The following SLC26A7 variants were observed in gnomAD, a reference collection of about 807,000 sequenced individuals.
SLC26A7 encodes anion exchange transporter.
SLC26A7 carries 59 observed loss-of-function variants against 82.5 expected under a neutral mutation model. The ratio of observed to expected loss-of-function variants is 0.72; its 90% confidence interval spans 0.58 to 0.89. The LOEUF (loss-of-function observed/expected upper bound fraction) is 0.89. SLC26A7 is among the 40% of genes least tolerant of loss of function. The pLI, the probability that SLC26A7 is intolerant of heterozygous loss-of-function variation, is 0.00. For synonymous variants in SLC26A7, 271 were observed against 274.3 expected, an observed-to-expected ratio of 0.99 and a Z score of 0.12; for missense variants, 820 against 793.0, an observed-to-expected ratio of 1.03 and a Z score of -0.41.
chr8:91,225,643 GTTTTTTTTTTTTTT>G (rs55732709), intron 2 of SLC26A7, among the ~76,000 whole-genome samples: 8 of 36,120 alleles, frequency 2.2e-4, no homozygotes, highest in Non-Finnish European at 2.7e-4. Context: ...CTAGAAAAGT[GTTTTTTTTTTTTTT>G]TTTTTTTTTT....
In SLC26A7 at chr8:91,289,283, G is replaced by A. The variant is rs567505582; in HGVS notation, c.304+37G>A. The A allele has an allele frequency of 2.4e-5, 36 of 1,480,428 alleles. No individual in the cohort carries two copies. In the East Asian group the frequency reaches 3.4e-4, roughly 14 times the overall value. The allele number at this position is 1,480,428 out of a possible 1,614,324, so 91.7% of individuals were successfully genotyped here. ...TATGTTTATGCTTCTAATGTTACTCGCAAAAAAGACTTAGTGATTATTACT... is the reference window on the plus strand; with the variant it reads ...TATGTTTATGCTTCTAATGTTACTCACAAAAAAGACTTAGTGATTATTACT... On this transcript the variant is annotated intron_variant, in intron 3 of 18. Coordinates refer to ENST00000276609, the MANE Select transcript of SLC26A7 (RefSeq NM_052832.4).
At chr8:91,389,251 C>A in intron 15 of SLC26A7, 87 bp from the exon 16 acceptor site, 1 of 812,320 alleles carries the variant, frequency 1.2e-6, no homozygotes, top group East Asian at 2.5e-5. Flanking sequence ...AAACATGAGG[C>A]CACTGTTACC....
chr8:91,233,028 G>T lies in SLC26A7; in HGVS notation c.-34+14023G>T, dbSNP rs369466772. Among the ~76,000 whole-genome samples the T allele has an allele frequency of 4.0e-3, 615 of 152,296 alleles. 1 individual carries two copies. The highest frequency in any genetic ancestry group is 0.014 in the African/African-American group (578 of 41,560). On this transcript the variant is annotated intron_variant, in intron 2 of 5. Coordinates refer to the SLC26A7 transcript ENST00000522862. Reference sequence around the variant, plus strand: ...TATTGGGAATACTTCCAAGTTGGTGGAGAATGCCTTGGGTTTTCAAGATGC... The same window carrying T: ...TATTGGGAATACTTCCAAGTTGGTGTAGAATGCCTTGGGTTTTCAAGATGC...
At chr8:91,294,235 A>G (rs773641958) in intron 3 of SLC26A7, among the ~76,000 whole-genome samples, 1 of 152,210 alleles carries the variant, frequency 6.6e-6, no homozygotes, top group Non-Finnish European at 1.5e-5. Flanking sequence ...TGTTAACTAC[A>G]TGTCATCTTC....
chr8:91,240,851 A>G (rs780840305), intron 2 of SLC26A7, among the ~76,000 whole-genome samples: 3 of 152,186 alleles, frequency 2.0e-5, no homozygotes, highest in Non-Finnish European at 2.9e-5. Flanking sequence ...AAAACTAGAC[A>G]TCAGTAAGTG....
chr8:91,301,726 T>G (rs926375590), intron 4 of SLC26A7, among the ~76,000 whole-genome samples: 1 of 151,980 alleles, frequency 6.6e-6, no homozygotes, highest in Non-Finnish European at 1.5e-5. Flanking sequence ...ATTATTTCCT[T>G]CAATTTACCA....
chr8:91,211,759 A>T (rs1260984514), intron 1 of SLC26A7, among the ~76,000 whole-genome samples: 1 of 151,866 alleles, frequency 6.6e-6, no homozygotes, highest in Admixed American at 6.6e-5. Context: ...CATATTTGAT[A>T]ATGCCAAAGT....
At chr8:91,353,528 G>A (rs985545186) in intron 11 of SLC26A7, among the ~76,000 whole-genome samples, 4 of 152,208 alleles carry the variant, frequency 2.6e-5, no homozygotes, top group Admixed American at 6.6e-5. Context: ...ATGATAAAGT[G>A]TGATTTCTAC....
upstream of SLC26A7, among the ~76,000 whole-genome samples, chr8:91,247,827 T>G (rs1810567316): frequency 6.6e-6 from 1 of 152,178 alleles, no homozygotes; most frequent in Admixed American, 6.5e-5. Flanking sequence ...AAGCTTTCAA[T>G]TATTTTTCTC....
At chr8:91,236,952 T>C (rs1810401499) in intron 2 of SLC26A7, among the ~76,000 whole-genome samples, 1 of 152,226 alleles carries the variant, frequency 6.6e-6, no homozygotes, top group Admixed American at 6.5e-5. Context: ...CTTTGTACTT[T>C]AGGTAAATTA....
intron 2 of SLC26A7, among the ~76,000 whole-genome samples, chr8:91,230,080 T>A (rs763345957): frequency 1.3e-5 from 2 of 152,242 alleles, no homozygotes; most frequent in Non-Finnish European, 2.9e-5. Context: ...TGCAAGGCTT[T>A]TTTTTCACTT....
intron 2 of SLC26A7, among the ~76,000 whole-genome samples, chr8:91,264,918 A>G (rs1407083666): frequency 6.6e-6 from 1 of 151,978 alleles, no homozygotes; most frequent in Non-Finnish European, 1.5e-5. Context: ...CTTCTTTTCT[A>G]GCTGTCTTGA....
At position 91,217,596 on chromosome 8, in the gene SLC26A7, G is replaced by A. The variant is rs149573507; in HGVS notation, c.-149-1294G>A. 1.9e-4 allele frequency among the ~76,000 whole-genome samples: 29 copies of A among 152,144 alleles called. No homozygotes were observed. The East Asian group carries it at 4.8e-3, about 25-fold the overall frequency. The stretch of plus-strand genomic sequence containing the variant: ...AAGCAATTGAGTCATTGCCTGGGCC[G>A]CAGTTACATGGTCATATATTGAGCC... On this transcript the variant is annotated intron_variant, in intron 1 of 5. Coordinates refer to the SLC26A7 transcript ENST00000522862.
chr8:91,273,029 T>TTTGTTTTCC (rs1174343990), intron 2 of SLC26A7, among the ~76,000 whole-genome samples: 1 of 152,182 alleles, frequency 6.6e-6, no homozygotes. Context: ...TTTTATGTAA[T>TTTGTTTTCC]ATAAGGGTGA....
intron 1 of SLC26A7, among the ~76,000 whole-genome samples, chr8:91,211,912 A>G (rs1270994910): frequency 6.6e-6 from 1 of 152,112 alleles, no homozygotes; most frequent in African/African-American, 2.4e-5. Flanking sequence ...AATTGCTTCT[A>G]TTCAGGTGAA....
chr8:91,215,546 T>C (rs183956244), intron 1 of SLC26A7, among the ~76,000 whole-genome samples: 71 of 152,316 alleles, frequency 4.7e-4, no homozygotes, highest in African/African-American at 1.6e-3. Context: ...ATCATGTGTT[T>C]GTTTGCTTTA....
At position 91,394,049 on chromosome 8, in the gene SLC26A7, T is replaced by C. The variant is rs1350912774; in HGVS notation, c.1935+10T>C. 1.6e-5 allele frequency: 26 copies of C among 1,609,674 alleles called. No homozygotes were observed. The highest frequency in any genetic ancestry group is 2.1e-5 in the Non-Finnish European group (25 of 1,176,598). On this transcript the variant is annotated intron_variant, in intron 18 of 18. Coordinates refer to ENST00000276609, the MANE Select transcript of SLC26A7 (RefSeq NM_052832.4). ...TATCCATTCAAATAAGGTGAGTTGA[T>C]TAAGTTGGGCTGAAGGAGTTATAAG... is the stretch of plus-strand genomic sequence containing the variant.
upstream of SLC26A7, chr8:91,249,285 A>G (rs925927310): frequency 6.4e-6 from 1 of 157,070 alleles, no homozygotes; most frequent in African/African-American, 2.4e-5. Context: ...ATAAGACTAC[A>G]GTGAATATAA....
chr8:91,354,460 T>A (rs1312136883), intron 11 of SLC26A7, among the ~76,000 whole-genome samples: 3 of 152,012 alleles, frequency 2.0e-5, no homozygotes, highest in African/African-American at 7.2e-5. Flanking sequence ...TGTGGAAAAG[T>A]TAAGAATGGG....
Sources: gnomAD v4.1 joint callset for allele counts (sites outside exome capture counted in the v4.1 genomes callset) on GRCh38, gnomAD v4.1.1 for gene constraint, MANE v1.5 for transcripts, NCBI Gene and HGNC (gene_info 2026-07-23, HGNC 2026-07-21) for gene names.